The following POLR3GL variants were observed in gnomAD, a reference collection of about 807,000 sequenced individuals.
POLR3GL encodes RNA polymerase III subunit GL, also known as DNA-directed RNA polymerase III subunit RPC7-like.
A neutral mutation model predicts 32.4 loss-of-function variants in POLR3GL; 26 were observed. The observed-to-expected ratio is 0.80, with a 90% CI of 0.59 to 1.11. POLR3GL has a LOEUF of 1.11. Ranked by LOEUF, POLR3GL falls within the 50% of genes most tolerant of loss-of-function variation. The pLI, the probability that POLR3GL is intolerant of heterozygous loss-of-function variation, is 0.00. For synonymous variants in POLR3GL, 95 were observed against 98.7 expected (o/e 0.96, Z 0.22); for missense variants, 229 against 280.1 (o/e 0.82, Z 1.30).
chr1:145,978,201 G>A, intron 7 of POLR3GL, 105 bp downstream of exon 7: 1 of 1,485,600 alleles, frequency 6.7e-7, no homozygotes, highest in Non-Finnish European at 9.1e-7. Context: ...TGCCCCCCAG[G>A]GTAGGGGCTT....
At chr1:145,974,742 T>A (rs1159424605) in intron 1 of POLR3GL, 83 bp from the exon 2 acceptor site, 24 of 945,736 alleles carry the variant, frequency 2.5e-5, no homozygotes, top group Non-Finnish European at 3.4e-5. Context: ...GTCCCAGAGA[T>A]AAAAGATTGA....
At chr1:145,978,264 C>G in intron 7 of POLR3GL, 97 bp from the exon 8 acceptor site, 1 of 1,304,816 alleles carries the variant, frequency 7.7e-7, no homozygotes, top group Non-Finnish European at 1.1e-6. Flanking sequence ...AGAGATGTCT[C>G]AGGCCTGGAA....
chr1:145,967,562 T>C (rs1553762190), intron 1 of POLR3GL, among the ~76,000 whole-genome samples: 1 of 152,184 alleles, frequency 6.6e-6, no homozygotes, highest in Non-Finnish European at 1.5e-5. Flanking sequence ...ATTTCCAAGA[T>C]TTTAAGGGTG....
chr1:145,965,993 G>A (rs587759833), intron 1 of POLR3GL, among the ~76,000 whole-genome samples: 10 of 152,058 alleles, frequency 6.6e-5, no homozygotes, highest in Non-Finnish European at 1.2e-4. Context: ...GCGCATGCCT[G>A]TAATCCCAGC....
intron 3 of POLR3GL, 123 bp from the exon 4 acceptor site, chr1:145,976,961 C>T (rs2101942924): frequency 1.3e-6 from 1 of 777,212 alleles, no homozygotes; most frequent in African/African-American, 1.7e-5. Flanking sequence ...AAGCTGACCC[C>T]CTGGGCTCTG....
intron 1 of POLR3GL, among the ~76,000 whole-genome samples, chr1:145,970,684 C>T (rs994851757): frequency 7.3e-5 from 11 of 150,644 alleles, no homozygotes; most frequent in Admixed American, 4.6e-4. Context: ...CCAACCTGGC[C>T]AAGATGGTGA....
chr1:145,970,790 C>T (rs1374515553), intron 1 of POLR3GL, among the ~76,000 whole-genome samples: 8 of 145,760 alleles, frequency 5.5e-5, no homozygotes, highest in Admixed American at 4.3e-4. Flanking sequence ...GCAGGAGAAT[C>T]GCTTGAACCC....
At chr1:145,969,123 C>T (rs966890668) in intron 1 of POLR3GL, among the ~76,000 whole-genome samples, 3 of 151,934 alleles carry the variant, frequency 2.0e-5, no homozygotes, top group East Asian at 1.9e-4. Flanking sequence ...TATTGAGACA[C>T]GGTCTCACTC....
chr1:145,978,293 A>G (rs782415178), intron 7 of POLR3GL, 68 bp from the exon 8 acceptor site: 14 of 1,343,210 alleles, frequency 1.0e-5, no homozygotes, highest in Non-Finnish European at 1.3e-5. Context: ...CTGAGAGGAA[A>G]GGGGTCTGGT....
intron 1 of POLR3GL, among the ~76,000 whole-genome samples, chr1:145,965,056 A>G (rs1649957266): frequency 6.6e-6 from 1 of 152,232 alleles, no homozygotes; most frequent in Non-Finnish European, 1.5e-5. Context: ...AGAGCCTGAC[A>G]AACTCCTGTT....
At position 145,974,872 on chromosome 1, in the gene POLR3GL, AGCCGGGGTGGGG is replaced by A. The variant is rs1650476928; in HGVS notation, c.16_27del (p.Gly6_Gly9del). 2 of 1,516,186 alleles carry A rather than the reference AGCCGGGGTGGGG, an allele frequency of 1.3e-6. No homozygotes were observed. Among genetic ancestry groups the A allele is most frequent in the Admixed American group, 2.7e-5 (1 of 37,508 alleles). 93.9% of individuals were successfully genotyped at this position (1,516,186 alleles called of 1,614,324 possible). A position where few individuals can be genotyped will look rare whatever the true frequency, so the allele number is the denominator to read the frequency against. On this transcript the variant is annotated inframe_deletion, in exon 2 of 8. Transcript: ENST00000369314. ...TACCCAGGCCCCCTCCACCATGGCC[AGCCGGGGTGGGG>A]GCCGGGGTCGTGGCCGGGGCCAGTT...
chr1:145,973,390 G>C lies in POLR3GL; in HGVS notation c.-41-1435G>C, dbSNP rs587763545. On this transcript the variant is annotated intron_variant, in intron 1 of 7. Coordinates refer to ENST00000369314, the MANE Select transcript of POLR3GL (RefSeq NM_032305.3). ...GGGAGAATGGATACCATCTCTTTAG[G>C]GAAATGCCACCAAAAGCTGAATAAC... 6.0e-4 allele frequency among the ~76,000 whole-genome samples: 91 copies of C among 152,002 alleles called. No individual in the cohort carries two copies. In the South Asian group the frequency reaches 0.019, roughly 32 times the overall value.
At chr1:145,970,181 T>C (rs1650214986) in intron 1 of POLR3GL, among the ~76,000 whole-genome samples, 1 of 152,190 alleles carries the variant, frequency 6.6e-6, no homozygotes, top group African/African-American at 2.4e-5. Flanking sequence ...ACAAGGTCTC[T>C]GTCACCCAGG....
chr1:145,975,391 A>T lies in POLR3GL; in HGVS notation c.211A>T (p.Met71Leu). Residue 71 changes from methionine to leucine, a missense_variant, in exon 3 of 8, where the codon ATG (methionine) becomes TTG (leucine). By Grantham distance (15) the Met-to-Leu change is conservative. Coordinates refer to ENST00000369314, the MANE Select transcript of POLR3GL (RefSeq NM_032305.3). The part of the protein sequence containing the change: ...LALKQELRGA[M>L]RQLPYFIRPA... ...ACTGAAGCAAGAGCTACGAGGAGCC[A>T]TGAGGCAGCTCCCCTACTTCATCCG... 6.2e-7 allele frequency: 1 copy of T among 1,614,148 alleles called. No individual in the cohort carries two copies.
intron 1 of POLR3GL, among the ~76,000 whole-genome samples, chr1:145,972,339 C>T (rs1406971703): frequency 1.3e-5 from 2 of 149,912 alleles, no homozygotes; most frequent in East Asian, 2.0e-4. Context: ...GAGATCGTGC[C>T]GTTGTACTCC....
At chr1:145,965,588 C>T (rs1471060345) in intron 1 of POLR3GL, among the ~76,000 whole-genome samples, 1 of 152,114 alleles carries the variant, frequency 6.6e-6, no homozygotes, top group Admixed American at 6.5e-5. Flanking sequence ...AGACACAATG[C>T]TAAATCATGC....
intron 1 of POLR3GL, among the ~76,000 whole-genome samples, chr1:145,971,206 A>AT (rs1448958310): frequency 6.6e-6 from 1 of 151,526 alleles, no homozygotes; most frequent in African/African-American, 2.4e-5. Flanking sequence ...AAAAAAAAAA[A>AT]ATTGATTCGT....
chr1:145,972,343 G>T (rs913810255), intron 1 of POLR3GL, among the ~76,000 whole-genome samples: 26 of 148,204 alleles, frequency 1.8e-4, no homozygotes, highest in Admixed American at 2.0e-4. Context: ...TCGTGCCGTT[G>T]TACTCCAGCC....
rs1214882660 is a variant in POLR3GL at position 145,976,912 on chromosome 1, C to CAA, written c.257-154_257-153dup. ...TGAGGGACAGAGCGAGACTCTGTCT[C>CAA]AAAAAAAAAAAAAAAAAAAGTAGAT... On this transcript the variant is annotated intron_variant, in intron 3 of 7. Coordinates refer to ENST00000369314, the MANE Select transcript of POLR3GL (RefSeq NM_032305.3). 3.3e-3 allele frequency among the ~76,000 whole-genome samples: 334 copies of CAA among 101,166 alleles called. 9 individuals are homozygous for CAA. The highest frequency in any genetic ancestry group is 5.3e-3 in the African/African-American group (129 of 24,436). The allele number at this position is 101,166 out of a possible 152,430, so 66.4% of individuals were successfully genotyped here.
Sources: allele counts gnomAD v4.1 joint callset (sites outside exome capture counted in the v4.1 genomes callset), GRCh38; gene constraint gnomAD v4.1.1; transcripts MANE v1.5; gene names NCBI Gene and HGNC (gene_info 2026-07-23, HGNC 2026-07-21).